Variants in COL4A1 observed in about 807,000 individuals in gnomAD.
The protein encoded by COL4A1 is collagen alpha-1(IV) chain.
Under a neutral mutation model 216.6 loss-of-function variants are expected in COL4A1, and 40 were observed. That is an observed-to-expected ratio of 0.18 (90% CI 0.14 to 0.24). COL4A1 has a LOEUF of 0.24. COL4A1 is among the 10% of genes least tolerant of loss of function. COL4A1 has a pLI of 1.00. For synonymous variants in COL4A1, 839 were observed against 810.7 expected (o/e 1.03, Z -0.59); for missense variants, 1,628 against 2,196.8 (o/e 0.74, Z 5.18).
intron 18 of COL4A1, 141 bp downstream of exon 18, chr13:110,203,425 T>C: frequency 1.2e-6 from 1 of 866,102 alleles, no homozygotes; most frequent in Non-Finnish European, 1.9e-6. Flanking sequence ...GTGTGTGCCC[T>C]GCATCTCCTC....
At chr13:110,234,488 G>A (rs1341185410) in intron 2 of COL4A1, among the ~76,000 whole-genome samples, 6 of 152,020 alleles carry the variant, frequency 3.9e-5, no homozygotes, top group Non-Finnish European at 5.9e-5. Context: ...AGGCTGAGGC[G>A]TGAGAATCAC....
chr13:110,154,602 T>C (rs937617520), intron 50 of COL4A1, among the ~76,000 whole-genome samples: 1 of 152,172 alleles, frequency 6.6e-6, no homozygotes, highest in African/African-American at 2.4e-5. Flanking sequence ...TATAGAGAAG[T>C]TGGTCACATG....
chr13:110,208,349 G>A (rs762459929), intron 12 of COL4A1, among the ~76,000 whole-genome samples: 3 of 152,126 alleles, frequency 2.0e-5, no homozygotes, highest in Non-Finnish European at 4.4e-5. Context: ...CCGGTGGTGC[G>A]GGGCCACTGC....
rs1435560045 is a variant in COL4A1, at chr13:110,206,865, C to G, written c.807G>C (p.Gln269His). Residue 269 changes from glutamine (Q) to histidine (H), a missense_variant and splice_region_variant, in exon 14 of 52, where the codon CAG (glutamine) becomes CAC (histidine). Coordinates refer to ENST00000375820, the MANE Select transcript of COL4A1 (RefSeq NM_001845.6). The part of the protein sequence containing the change: ...EKGQKGEPGF[Q>H]GMPGVGEKGE... ...TGATAGGCAGAAACTGAGTACTGACCTGAAATCCAGGTTCACCTTTTTGGC... is the reference window on the plus strand; with the variant it reads ...TGATAGGCAGAAACTGAGTACTGACGTGAAATCCAGGTTCACCTTTTTGGC... 6.2e-7 allele frequency: 1 copy of G among 1,613,892 alleles called. No individual in the cohort carries two copies. Among genetic ancestry groups the G allele is most frequent in the East Asian group, 2.2e-5 (1 of 44,864 alleles).
chr13:110,199,640 G>A (rs1399362885), intron 20 of COL4A1, among the ~76,000 whole-genome samples: 1 of 152,202 alleles, frequency 6.6e-6, no homozygotes, highest in African/African-American at 2.4e-5. Flanking sequence ...CTGGGGGCGG[G>A]CAGAGGCAAT....
At chr13:110,303,066 C>T (rs1884557001) in intron 1 of COL4A1, among the ~76,000 whole-genome samples, 1 of 152,210 alleles carries the variant, frequency 6.6e-6, no homozygotes, top group African/African-American at 2.4e-5. Flanking sequence ...TGGTGGGTTC[C>T]ATTTGTCTGC....
At chr13:110,184,660 T>C (rs1311910075) in intron 26 of COL4A1, among the ~76,000 whole-genome samples, 3 of 152,048 alleles carry the variant, frequency 2.0e-5, no homozygotes, top group Admixed American at 1.3e-4. Context: ...TTTCCCATAC[T>C]GGAATGCTTA....
intron 1 of COL4A1, among the ~76,000 whole-genome samples, chr13:110,252,432 T>TAC (rs1307068395): frequency 1.4e-5 from 2 of 139,782 alleles, no homozygotes; most frequent in African/African-American, 5.4e-5. Flanking sequence ...GTATTATATA[T>TAC]GTATAATTAT....
intron 1 of COL4A1, among the ~76,000 whole-genome samples, chr13:110,252,221 A>G (rs35806534): frequency 0.42 from 64,244 of 151,276 alleles, 14,766 homozygotes; most frequent in Non-Finnish European, 0.53. Context: ...ACGTGGTTTC[A>G]CCATGTTGGC....
intron 1 of COL4A1, among the ~76,000 whole-genome samples, chr13:110,297,802 C>A (rs189763029): frequency 3.9e-5 from 6 of 152,120 alleles, no homozygotes; most frequent in Non-Finnish European, 8.8e-5. Context: ...TCAGAGTAAG[C>A]GCTGAACACA....
At chr13:110,277,788 T>G (rs1883484021) in intron 1 of COL4A1, among the ~76,000 whole-genome samples, 1 of 152,180 alleles carries the variant, frequency 6.6e-6, no homozygotes, top group African/African-American at 2.4e-5. Flanking sequence ...TCCCTCTATC[T>G]TTTGACCCAC....
intron 2 of COL4A1, among the ~76,000 whole-genome samples, chr13:110,230,849 C>A (rs541445305): frequency 6.6e-6 from 1 of 152,200 alleles, no homozygotes; most frequent in African/African-American, 2.4e-5. Context: ...TCCAGCCGCC[C>A]GGAACCTCTG....
intron 1 of COL4A1, among the ~76,000 whole-genome samples, chr13:110,281,535 A>G (rs1566441245): frequency 6.6e-6 from 1 of 152,214 alleles, no homozygotes; most frequent in Non-Finnish European, 1.5e-5. Context: ...AATGTTTAAA[A>G]AAAACAGTAG....
chr13:110,223,150 A>T (rs1158083394), intron 2 of COL4A1, among the ~76,000 whole-genome samples: 1 of 152,296 alleles, frequency 6.6e-6, no homozygotes, highest in East Asian at 1.9e-4. Flanking sequence ...TTCAATTTTT[A>T]AAATAGCTGT....
intron 41 of COL4A1, 62 bp from the exon 42 acceptor site, chr13:110,170,794 G>C: frequency 1.3e-6 from 2 of 1,572,730 alleles, no homozygotes; most frequent in Non-Finnish European, 1.7e-6. Context: ...AATCTCCAGC[G>C]TGGACGGCAG....
intron 46 of COL4A1, 100 bp from the exon 47 acceptor site, chr13:110,163,661 A>G (rs1410039782): frequency 8.6e-7 from 1 of 1,161,364 alleles, no homozygotes; most frequent in East Asian, 2.5e-5. Context: ...GGAGCCAAGC[A>G]TAAAGTCTCA....
At chr13:110,154,494 G>C (rs2138419728) in intron 50 of COL4A1, among the ~76,000 whole-genome samples, 1 of 152,366 alleles carries the variant, frequency 6.6e-6, no homozygotes, top group East Asian at 1.9e-4. Context: ...CTGCTTTCAA[G>C]CTCGTGCATG....
chr13:110,261,246 G>A (rs925318554), intron 1 of COL4A1, among the ~76,000 whole-genome samples: 10 of 152,120 alleles, frequency 6.6e-5, no homozygotes, highest in South Asian at 6.2e-4. Flanking sequence ...CCGCCCTGGC[G>A]CAGGAAGCCC....
At chr13:110,217,864 T>C (rs186064717) in intron 2 of COL4A1, among the ~76,000 whole-genome samples, 3 of 152,218 alleles carry the variant, frequency 2.0e-5, no homozygotes, top group Admixed American at 6.5e-5. Flanking sequence ...GTTTCATGCA[T>C]GGAGCAACTT....
Sources: allele counts gnomAD v4.1 joint callset (sites outside exome capture counted in the v4.1 genomes callset), GRCh38; gene constraint gnomAD v4.1.1; transcripts MANE v1.5; gene names NCBI Gene and HGNC (gene_info 2026-07-23, HGNC 2026-07-21).